Variants in IL1RAP observed in about 807,000 individuals in gnomAD.
IL1RAP encodes interleukin-1 receptor accessory protein.
Under a neutral mutation model 60.7 loss-of-function variants are expected in IL1RAP, and 35 were observed. The observed-to-expected ratio is 0.58, with a 90% CI of 0.44 to 0.76. The LOEUF is 0.76. Among genes scored for constraint, IL1RAP ranks in the 30% least tolerant of loss-of-function variants. IL1RAP has a pLI of 0.00. For missense variants in IL1RAP, 572 were observed against 693.9 expected, an observed-to-expected ratio of 0.82 and a Z score of 1.97; for synonymous variants, 268 against 250.9, an observed-to-expected ratio of 1.07 and a Z score of -0.64.
In IL1RAP at chr3:190,629,383, A is replaced by C. The variant is rs1732584627; in HGVS notation, c.936A>C (p.Arg312Ser). Residue 312 changes from arginine to serine, a missense_variant, in exon 9 of 12, where the codon AGA (arginine) becomes AGC (serine). Coordinates refer to ENST00000447382, the MANE Select transcript of IL1RAP (RefSeq NM_002182.4). ...ATAGTAGAACAGAAGATGAAACAAG[A>C]ACTCAGATTTTGAGCATCAAGAAAG... is the stretch of plus-strand genomic sequence containing the variant. ...ISHSRTEDETRTQILSIKKVT... is the reference protein window; with the variant it reads ...ISHSRTEDETSTQILSIKKVT... 6.2e-7 allele frequency: 1 copy of C among 1,612,768 alleles called. No homozygotes were observed. Among genetic ancestry groups the C allele is most frequent in the South Asian group, 1.1e-5 (1 of 90,916 alleles).
chr3:190,659,654 T>C (rs1408005796), exon 12 of IL1RAP: 1 of 152,206 alleles, frequency 6.6e-6, no homozygotes, highest in Admixed American at 6.5e-5. Flanking sequence ...CAAATAGAGA[T>C]GGATGTGAGT....
intron 9 of IL1RAP, among the ~76,000 whole-genome samples, chr3:190,633,112 T>G (rs1334210103): frequency 6.6e-6 from 1 of 152,234 alleles, no homozygotes; most frequent in Non-Finnish European, 1.5e-5. Flanking sequence ...TAGTATCAGT[T>G]TGTCCATTTC....
At chr3:190,612,724 G>T (rs1295630308) in intron 5 of IL1RAP, among the ~76,000 whole-genome samples, 1 of 152,062 alleles carries the variant, frequency 6.6e-6, no homozygotes, top group African/African-American at 2.4e-5. Context: ...TTATGATGGG[G>T]CTATGGTTTC....
intron 3 of IL1RAP, among the ~76,000 whole-genome samples, chr3:190,565,225 G>A (rs1021370391): frequency 6.6e-6 from 1 of 151,576 alleles, no homozygotes; most frequent in African/African-American, 2.4e-5. Flanking sequence ...TAATGCAATG[G>A]TTCTCTAATT....
chr3:190,534,883 T>C (rs1227522810), intron 1 of IL1RAP, among the ~76,000 whole-genome samples: 1 of 138,188 alleles, frequency 7.2e-6, no homozygotes, highest in Admixed American at 7.5e-5. Context: ...CTAGATGTCA[T>C]CCGGATAAGA....
intron 9 of IL1RAP, among the ~76,000 whole-genome samples, chr3:190,638,021 A>G (rs1246130159): frequency 1.3e-5 from 2 of 151,950 alleles, no homozygotes; most frequent in African/African-American, 4.8e-5. Context: ...AGAATGCAGA[A>G]TGATTTGTTT....
chr3:190,522,381 A>G (rs1722134225), intron 1 of IL1RAP, among the ~76,000 whole-genome samples: 1 of 142,478 alleles, frequency 7.0e-6, no homozygotes. Flanking sequence ...CCTTCCTATT[A>G]TCTATGTATC....
At chr3:190,569,768 A>G (rs1049181693) in intron 3 of IL1RAP, among the ~76,000 whole-genome samples, 1 of 152,216 alleles carries the variant, frequency 6.6e-6, no homozygotes, top group Non-Finnish European at 1.5e-5. Flanking sequence ...CTAAGTTTAG[A>G]AAAATGACCT....
intron 1 of IL1RAP, among the ~76,000 whole-genome samples, chr3:190,532,186 A>G (rs1385752210): frequency 1.3e-5 from 2 of 152,126 alleles, no homozygotes; most frequent in Non-Finnish European, 2.9e-5. Flanking sequence ...AGGGGAAAAA[A>G]GGATAATAGC....
chr3:190,652,190 C>T (rs770113572), downstream of IL1RAP, among the ~76,000 whole-genome samples: 4 of 151,690 alleles, frequency 2.6e-5, no homozygotes, highest in Non-Finnish European at 4.4e-5. Context: ...CCTGGCCAGG[C>T]GCGGTGGCTC....
At chr3:190,623,618 T>A (rs1437299179) in intron 7 of IL1RAP, among the ~76,000 whole-genome samples, 1 of 152,238 alleles carries the variant, frequency 6.6e-6, no homozygotes, top group Non-Finnish European at 1.5e-5. Flanking sequence ...TGCTTCACTC[T>A]CGGTATCTGC....
intron 9 of IL1RAP, among the ~76,000 whole-genome samples, chr3:190,636,354 G>T (rs542143832): frequency 2.6e-5 from 4 of 152,014 alleles, no homozygotes; most frequent in Admixed American, 2.6e-4. Flanking sequence ...TCTCTCTTCA[G>T]TTCTGCCAGT....
chr3:190,628,217 C>G (rs1732481463), intron 8 of IL1RAP, among the ~76,000 whole-genome samples: 1 of 152,172 alleles, frequency 6.6e-6, no homozygotes, highest in African/African-American at 2.4e-5. Flanking sequence ...CAGCAGTTGG[C>G]TCACTGCACC....
At chr3:190,582,749 G>T in intron 3 of IL1RAP, among the ~76,000 whole-genome samples, 1 of 152,276 alleles carries the variant, frequency 6.6e-6, no homozygotes, top group South Asian at 2.1e-4. Flanking sequence ...TGTCTCCTCT[G>T]TGGAAAACCC....
intron 5 of IL1RAP, among the ~76,000 whole-genome samples, chr3:190,616,716 T>C (rs1223486540): frequency 6.6e-6 from 1 of 152,178 alleles, no homozygotes; most frequent in African/African-American, 2.4e-5. Flanking sequence ...CACCATCCAA[T>C]GTCTTATATT....
chr3:190,623,948 C>T (rs554672093), intron 7 of IL1RAP, among the ~76,000 whole-genome samples: 6 of 152,212 alleles, frequency 3.9e-5, no homozygotes, highest in South Asian at 4.2e-4. Flanking sequence ...TGACCAAATA[C>T]GGGATAACAT....
At chr3:190,612,992 C>A (rs1290652654) in intron 5 of IL1RAP, among the ~76,000 whole-genome samples, 1 of 152,080 alleles carries the variant, frequency 6.6e-6, no homozygotes, top group Non-Finnish European at 1.5e-5. Flanking sequence ...AAAATATATG[C>A]CCAGAGCTGT....
At chr3:190,580,654 A>G (rs921152979) in intron 3 of IL1RAP, among the ~76,000 whole-genome samples, 4 of 152,114 alleles carry the variant, frequency 2.6e-5, no homozygotes, top group Non-Finnish European at 4.4e-5. Flanking sequence ...AGGGGGAGAA[A>G]TGGAGAGGTG....
At chr3:190,568,075 CA>C (rs1291768545) in intron 3 of IL1RAP, among the ~76,000 whole-genome samples, 2 of 152,098 alleles carry the variant, frequency 1.3e-5, no homozygotes, top group Admixed American at 6.6e-5. Flanking sequence ...ATTACCATAT[CA>C]AAATTATTTG....
Sources: allele counts gnomAD v4.1 joint callset (sites outside exome capture counted in the v4.1 genomes callset), GRCh38; gene constraint gnomAD v4.1.1; transcripts MANE v1.5; gene names NCBI Gene and HGNC (gene_info 2026-07-23, HGNC 2026-07-21).